The following UNC13C variants were observed in gnomAD, a reference collection of about 807,000 sequenced individuals.
UNC13C encodes protein unc-13 homolog C.
In UNC13C, 174 loss-of-function variants were observed where a neutral mutation model predicts 245.4. The observed-to-expected ratio is 0.71, with a 90% CI of 0.63 to 0.80. The LOEUF is 0.80. UNC13C is among the 30% of genes least tolerant of loss of function. UNC13C has a pLI of 0.00. For missense variants in UNC13C, 2,829 were observed against 2,602.9 expected (o/e 1.09, Z -1.89); for synonymous variants, 992 against 895.1 (o/e 1.11, Z -1.93).
intron 24 of UNC13C, among the ~76,000 whole-genome samples, chr15:54,516,298 C>G (rs753101464): frequency 1.1e-4 from 17 of 152,152 alleles, no homozygotes; most frequent in Admixed American, 4.6e-4. Context: ...AATAATACTC[C>G]ATGCCAGTAG....
intron 19 of UNC13C, among the ~76,000 whole-genome samples, chr15:54,464,652 A>G (rs1892069500): frequency 6.6e-6 from 1 of 152,094 alleles, no homozygotes; most frequent in Non-Finnish European, 1.5e-5. Context: ...TATTTGAATA[A>G]TTTTAGAAGG....
At chr15:54,296,289 C>T (rs1401296738) in intron 11 of UNC13C, among the ~76,000 whole-genome samples, 1 of 152,132 alleles carries the variant, frequency 6.6e-6, no homozygotes, top group African/African-American at 2.4e-5. Flanking sequence ...CAAGCTCCGC[C>T]TCCCAGGTTC....
chr15:54,569,501 C>T (rs1340412715), intron 30 of UNC13C, among the ~76,000 whole-genome samples: 1 of 151,974 alleles, frequency 6.6e-6, no homozygotes. Flanking sequence ...AAAATATTTT[C>T]CATCCGCAGT....
At chr15:53,945,581 C>T in the UNC13C span, among the ~76,000 whole-genome samples, 1 of 152,072 alleles carries the variant, frequency 6.6e-6, no homozygotes, top group Non-Finnish European at 1.5e-5. Flanking sequence ...TCTGGACTAT[C>T]TCTTCTGTTC....
At chr15:54,432,899 A>C (rs900184648) in intron 19 of UNC13C, among the ~76,000 whole-genome samples, 3 of 152,058 alleles carry the variant, frequency 2.0e-5, no homozygotes, top group Admixed American at 2.0e-4. Context: ...AAAATAAAAA[A>C]TGAGAAAGGG....
At position 54,426,647 on chromosome 15, in the gene UNC13C, G is replaced by GTAGAGATTA. The variant is rs1460134335; in HGVS notation, c.4933+11582_4933+11590dup. On this transcript the variant is annotated intron_variant, in intron 19 of 32. Transcript: ENST00000260323. ...CCCCAGAGGGGGTAAATAGTAAGAA[G>GTAGAGATTA]TAGAGATTATTTGGGATTATTTTAA... Among the ~76,000 whole-genome samples the GTAGAGATTA allele has an allele frequency of 2.0e-5, 3 of 151,782 alleles. No individual in the cohort carries two copies. In the East Asian group the frequency reaches 5.9e-4, roughly 30 times the overall value.
At chr15:54,236,539 A>G in intron 6 of UNC13C, 104 bp downstream of exon 6, 1 of 865,096 alleles carries the variant, frequency 1.2e-6, no homozygotes, top group Non-Finnish European at 1.8e-6. Context: ...AAATGAAAAG[A>G]CAGACATACA....
intron 18 of UNC13C, among the ~76,000 whole-genome samples, chr15:54,395,968 T>C (rs1242441563): frequency 6.6e-6 from 1 of 151,752 alleles, no homozygotes; most frequent in Non-Finnish European, 1.5e-5. Flanking sequence ...TTTTTAAAAT[T>C]ATTTATAATG....
At chr15:53,877,311 C>T in the UNC13C span, among the ~76,000 whole-genome samples, 1 of 152,170 alleles carries the variant, frequency 6.6e-6, no homozygotes, top group South Asian at 2.1e-4. Flanking sequence ...CCAATGCCTT[C>T]TGCCCCATCC....
Position 54,158,650 on chromosome 15 carries a change from TA to T in UNC13C, c.3071+14967del, listed in dbSNP as rs574943184. 2.2e-4 allele frequency among the ~76,000 whole-genome samples: 33 copies of T among 151,128 alleles called. No individual in the cohort carries two copies. In the East Asian group the frequency reaches 5.4e-3, roughly 25 times the overall value. On this transcript the variant is annotated intron_variant, in intron 4 of 32. Coordinates refer to ENST00000260323, the MANE Select transcript of UNC13C (RefSeq NM_001080534.3). ...TTTTAATATTAGCTTTTTTTCTTTT[TA>T]TTTTTTTTAAACTTTTTAGAAATAG...
chr15:54,337,832 G>T (rs1042058269), intron 16 of UNC13C, among the ~76,000 whole-genome samples: 11 of 152,160 alleles, frequency 7.2e-5, no homozygotes, highest in African/African-American at 2.4e-4. Context: ...TTTTATAGTG[G>T]TCTATATGTA....
chr15:54,476,523 A>G (rs1020478607), intron 19 of UNC13C, among the ~76,000 whole-genome samples: 1 of 151,864 alleles, frequency 6.6e-6, no homozygotes, highest in Admixed American at 6.6e-5. Flanking sequence ...AGCTTTCTAC[A>G]TATGGCTGGC....
At chr15:53,861,838 C>G in the UNC13C span, among the ~76,000 whole-genome samples, 1 of 152,072 alleles carries the variant, frequency 6.6e-6, no homozygotes. Context: ...GCCTACCTTT[C>G]TCTTGTCTCT....
At chr15:53,907,034 A>G in the UNC13C span, among the ~76,000 whole-genome samples, 3 of 152,262 alleles carry the variant, frequency 2.0e-5, no homozygotes, top group Admixed American at 2.0e-4. Context: ...ATAATTCAAG[A>G]TGAGAGTTGG....
intron 10 of UNC13C, among the ~76,000 whole-genome samples, chr15:54,289,080 C>CT (rs1283294083): frequency 1.6e-4 from 24 of 152,104 alleles, no homozygotes; most frequent in African/African-American, 5.8e-4. Context: ...GTACAGGTAC[C>CT]TTTTTGTGTT....
intron 17 of UNC13C, among the ~76,000 whole-genome samples, chr15:54,351,727 T>C (rs1036296350): frequency 2.0e-5 from 3 of 152,156 alleles, no homozygotes; most frequent in Admixed American, 2.0e-4. Flanking sequence ...ACGCTTCACA[T>C]ATACTAGGCA....
At chr15:54,435,058 A>G (rs2040953137) in intron 19 of UNC13C, among the ~76,000 whole-genome samples, 1 of 152,148 alleles carries the variant, frequency 6.6e-6, no homozygotes, top group Non-Finnish European at 1.5e-5. Flanking sequence ...TAGAATGGCA[A>G]TCATTAAAAA....
intron 19 of UNC13C, among the ~76,000 whole-genome samples, chr15:54,429,218 T>C (rs936048874): frequency 6.6e-6 from 1 of 151,766 alleles, no homozygotes. Context: ...TTTAAATGGG[T>C]AAACTTTATG....
chr15:54,578,052 A>G (rs1898032708), intron 30 of UNC13C, among the ~76,000 whole-genome samples: 1 of 152,192 alleles, frequency 6.6e-6, no homozygotes, highest in Admixed American at 6.5e-5. Flanking sequence ...GGACATCAAA[A>G]TCCCGAATCC....
Sources: gnomAD v4.1 joint callset for allele counts (sites outside exome capture counted in the v4.1 genomes callset) on GRCh38, gnomAD v4.1.1 for gene constraint, MANE v1.5 for transcripts, NCBI Gene and HGNC (gene_info 2026-07-23, HGNC 2026-07-21) for gene names.